MTUS2: variants seen among roughly 807,000 people sequenced by gnomAD.
The protein encoded by MTUS2 is microtubule associated scaffold protein 2, also known as microtubule-associated tumor suppressor candidate 2.
In MTUS2, 40 loss-of-function variants were observed where a neutral mutation model predicts 114.1. The observed-to-expected ratio is 0.35, with a 90% CI of 0.27 to 0.46. The LOEUF (loss-of-function observed/expected upper bound fraction) is 0.46, where lower values mean the gene tolerates loss of function less well. Ranked by LOEUF, MTUS2 falls within the 20% of genes least tolerant of loss-of-function variation. MTUS2 has a pLI of 1.00. For missense variants in MTUS2, 1,679 were observed against 1,705.4 expected (o/e 0.98, Z 0.27); for synonymous variants, 688 against 672.0 (o/e 1.02, Z -0.37).
chr13:29,341,488 G>A (rs925714897), intron 7 of MTUS2, among the ~76,000 whole-genome samples: 4 of 151,814 alleles, frequency 2.6e-5, no homozygotes, highest in African/African-American at 7.3e-5. Flanking sequence ...CTTTTTGATG[G>A]GATTATTTTT....
At chr13:29,041,898 A>G (rs765396854) in intron 4 of MTUS2, among the ~76,000 whole-genome samples, 5 of 152,152 alleles carry the variant, frequency 3.3e-5, no homozygotes, top group Non-Finnish European at 7.4e-5. Context: ...GTACACCATT[A>G]TATCATTGGT....
chr13:29,242,024 G>A (rs936541220), intron 5 of MTUS2, among the ~76,000 whole-genome samples: 3 of 152,090 alleles, frequency 2.0e-5, no homozygotes, highest in African/African-American at 7.2e-5. Flanking sequence ...TTAATATTTA[G>A]AAAATGTTTA....
At position 29,253,496 on chromosome 13, in the gene MTUS2, A is replaced by G. The variant is rs189030634; in HGVS notation, c.2645-28208A>G. ...TCCTGTGGCTTTATATACCATTTCT[A>G]TTACTGCCCATTCTCAATTTTCCAC... On this transcript the variant is annotated intron_variant, in intron 5 of 15. Coordinates refer to ENST00000612955, the MANE Select transcript of MTUS2 (RefSeq NM_001033602.4). Among the ~76,000 whole-genome samples the G allele has an allele frequency of 8.5e-5, 13 of 152,228 alleles. No homozygotes were observed. The East Asian group carries it at 2.3e-3, about 27-fold the overall frequency.
At chr13:28,879,857 G>A (rs1229083524) in intron 2 of MTUS2, among the ~76,000 whole-genome samples, 4 of 151,916 alleles carry the variant, frequency 2.6e-5, no homozygotes, top group African/African-American at 9.7e-5. Flanking sequence ...TGGCTTTCAG[G>A]GTCAATGTTC....
intron 5 of MTUS2, among the ~76,000 whole-genome samples, chr13:29,154,237 T>C (rs1311867413): frequency 6.6e-6 from 1 of 152,254 alleles, no homozygotes; most frequent in East Asian, 1.9e-4. Flanking sequence ...AACTAAGTTT[T>C]AAACTCTGGA....
intron 6 of MTUS2, among the ~76,000 whole-genome samples, chr13:29,319,231 C>T (rs1367595960): frequency 6.6e-6 from 1 of 152,150 alleles, no homozygotes; most frequent in Non-Finnish European, 1.5e-5. Context: ...ATTCAAACTG[C>T]CTTAGGCAAC....
chr13:29,093,392 G>A (rs768498478), intron 4 of MTUS2, among the ~76,000 whole-genome samples: 8 of 152,070 alleles, frequency 5.3e-5, no homozygotes, highest in Non-Finnish European at 8.8e-5. Flanking sequence ...GCAGTGAGCC[G>A]AGATCATGCC....
chr13:29,421,878 G>T (rs886880385), intron 8 of MTUS2, among the ~76,000 whole-genome samples: 4 of 152,190 alleles, frequency 2.6e-5, no homozygotes, highest in African/African-American at 9.6e-5. Context: ...ACGGAGGGCA[G>T]GGGAGGGAAA....
intron 8 of MTUS2, among the ~76,000 whole-genome samples, chr13:29,375,528 TA>T (rs1441149107): frequency 0.042 from 637 of 15,134 alleles, 76 homozygotes; most frequent in Non-Finnish European, 0.12. Flanking sequence ...TATATATATA[TA>T]TATATATACG....
intron 2 of MTUS2, among the ~76,000 whole-genome samples, chr13:28,928,348 T>G (rs1334330540): frequency 6.6e-6 from 1 of 152,022 alleles, no homozygotes; most frequent in Non-Finnish European, 1.5e-5. Context: ...TATTTGCAAA[T>G]TACCCACTTG....
intron 4 of MTUS2, among the ~76,000 whole-genome samples, chr13:29,065,078 C>T (rs1836254328): frequency 6.6e-6 from 1 of 152,210 alleles, no homozygotes; most frequent in Admixed American, 6.5e-5. Flanking sequence ...AATAGTGCTA[C>T]AGTGAACATA....
chr13:28,830,566 G>A (rs1050821306), intron 1 of MTUS2, among the ~76,000 whole-genome samples: 1 of 152,028 alleles, frequency 6.6e-6, no homozygotes, highest in Non-Finnish European at 1.5e-5. Flanking sequence ...GAAAGAATCG[G>A]CAAACTTGAA....
intron 2 of MTUS2, among the ~76,000 whole-genome samples, chr13:28,841,186 A>G (rs1875456808): frequency 6.6e-6 from 1 of 152,248 alleles, no homozygotes; most frequent in Non-Finnish European, 1.5e-5. Context: ...ATGAAACAAA[A>G]AGCTATGATG....
At chr13:28,869,950 A>C (rs1001242877) in intron 2 of MTUS2, among the ~76,000 whole-genome samples, 4 of 152,170 alleles carry the variant, frequency 2.6e-5, no homozygotes, top group Admixed American at 1.3e-4. Context: ...TTTGAATGTT[A>C]TGTATAAAAT....
intron 6 of MTUS2, among the ~76,000 whole-genome samples, chr13:29,318,773 C>T (rs1900129738): frequency 6.6e-6 from 1 of 152,148 alleles, no homozygotes; most frequent in South Asian, 2.1e-4. Context: ...AGCTTTTACA[C>T]TCTCCTTCTC....
chr13:29,365,384 GA>G (rs1870616589), intron 8 of MTUS2, among the ~76,000 whole-genome samples: 1 of 152,110 alleles, frequency 6.6e-6, no homozygotes, highest in South Asian at 2.1e-4. Flanking sequence ...CTCTATTGAT[GA>G]TAATATACAT....
At chr13:28,899,118 A>G (rs1879475595) in intron 2 of MTUS2, among the ~76,000 whole-genome samples, 1 of 152,228 alleles carries the variant, frequency 6.6e-6, no homozygotes, top group Admixed American at 6.5e-5. Context: ...AGGTAATTGT[A>G]GATTCACATG....
chr13:29,141,777 A>G (rs2139003713), intron 5 of MTUS2, among the ~76,000 whole-genome samples: 1 of 152,328 alleles, frequency 6.6e-6, no homozygotes, highest in South Asian at 2.1e-4. Context: ...TCTATGTGCT[A>G]AGGTGGTTTA....
chr13:28,976,782 G>A (rs1190602263), intron 2 of MTUS2, among the ~76,000 whole-genome samples: 1 of 152,196 alleles, frequency 6.6e-6, no homozygotes, highest in Non-Finnish European at 1.5e-5. Context: ...GAAGCATCAG[G>A]AAGCTTTATG....
Sources: allele counts gnomAD v4.1 joint callset (sites outside exome capture counted in the v4.1 genomes callset), GRCh38; gene constraint gnomAD v4.1.1; transcripts MANE v1.5; gene names NCBI Gene and HGNC (gene_info 2026-07-23, HGNC 2026-07-21).